Variants in GLIS3 observed in about 807,000 individuals in gnomAD.
GLIS3 encodes zinc finger protein GLIS3.
A neutral mutation model predicts 78.6 loss-of-function variants in GLIS3; 53 were observed. The ratio of observed to expected loss-of-function variants is 0.67; its 90% CI spans 0.54 to 0.85. The LOEUF is 0.85. GLIS3 is among the 40% of genes least tolerant of loss of function. The pLI, the probability that GLIS3 is intolerant of heterozygous loss-of-function variation, is 0.00. For synonymous variants in GLIS3, 684 were observed against 509.9 expected (o/e 1.34, Z -4.60); for missense variants, 1,703 against 1,231.1 (o/e 1.38, Z -5.74).
chr9:4,476,493 C>G, the GLIS3 span, among the ~76,000 whole-genome samples: 27,527 of 151,960 alleles, frequency 0.18, 2,594 homozygotes, highest in Admixed American at 0.22. Context: ...TCCCAAGTAG[C>G]CGGGATTACA....
chr9:4,298,146 G>A (rs1286639231), intron 1 of GLIS3, among the ~76,000 whole-genome samples: 1 of 152,096 alleles, frequency 6.6e-6, no homozygotes, highest in African/African-American at 2.4e-5. Context: ...GGGTGCTGCG[G>A]CTGGGAAGCC....
upstream of GLIS3, among the ~76,000 whole-genome samples, chr9:4,352,005 A>T (rs1207236568): frequency 6.6e-6 from 1 of 152,236 alleles, no homozygotes; most frequent in African/African-American, 2.4e-5. Flanking sequence ...TAAAAAGTAA[A>T]TAAGCAAGAT....
chr9:4,246,508 T>C (rs1194084218), intron 2 of GLIS3, among the ~76,000 whole-genome samples: 1 of 152,240 alleles, frequency 6.6e-6, no homozygotes, highest in African/African-American at 2.4e-5. Context: ...AAGTGACATC[T>C]GCAGTTGTTT....
chr9:4,332,332 C>T (rs1044600984), intron 2 of GLIS3, among the ~76,000 whole-genome samples: 1 of 152,180 alleles, frequency 6.6e-6, no homozygotes, highest in Admixed American at 6.5e-5. Context: ...CCTCATTACC[C>T]ACTATCACCT....
At chr9:3,899,420 T>TA (rs796091339) in intron 6 of GLIS3, among the ~76,000 whole-genome samples, 3 of 87,098 alleles carry the variant, frequency 3.4e-5, no homozygotes, top group African/African-American at 1.2e-4. Flanking sequence ...ATTAAAGAGT[T>TA]ACATGTAAAA....
intron 6 of GLIS3, among the ~76,000 whole-genome samples, chr9:3,926,417 G>A (rs186372616): frequency 5.3e-4 from 80 of 151,622 alleles, no homozygotes; most frequent in Admixed American, 3.7e-3. Context: ...TTTTAGTAGA[G>A]ACGGGGGTTT....
intron 2 of GLIS3, among the ~76,000 whole-genome samples, chr9:4,251,195 T>G (rs1184470038): frequency 6.6e-6 from 1 of 152,194 alleles, no homozygotes; most frequent in Non-Finnish European, 1.5e-5. Context: ...TGTCTAATAT[T>G]GGCAGTGTGC....
rs140368876 is a variant in GLIS3, at chr9:3,988,894, A to G, written c.1711-51705T>C. On this transcript the variant is annotated intron_variant, in intron 4 of 10. Coordinates refer to ENST00000381971, the MANE Select transcript of GLIS3 (RefSeq NM_001042413.2). Reference sequence around the variant, plus strand: ...AGACTTGATACCAAAACCATGATCCATAAAATGTATAAATTTGTTCTCATC... The same window carrying G: ...AGACTTGATACCAAAACCATGATCCGTAAAATGTATAAATTTGTTCTCATC... 1.2e-3 allele frequency among the ~76,000 whole-genome samples: 178 copies of G among 152,244 alleles called. 2 individuals are homozygous for G. The highest frequency in any genetic ancestry group is 4.1e-3 in the African/African-American group (170 of 41,568).
the GLIS3 span, among the ~76,000 whole-genome samples, chr9:4,418,667 C>G: frequency 6.6e-6 from 1 of 152,022 alleles, no homozygotes; most frequent in African/African-American, 2.4e-5. Flanking sequence ...CCACTGCACT[C>G]CAGCCTGGAT....
At chr9:4,389,936 T>C in the GLIS3 span, among the ~76,000 whole-genome samples, 1 of 152,208 alleles carries the variant, frequency 6.6e-6, no homozygotes, top group Admixed American at 6.5e-5. Context: ...ATAAGTAAAA[T>C]GAGTGACACA....
At chr9:4,286,604 T>C (rs919981412) in intron 1 of GLIS3, 81 bp from the exon 2 acceptor site, 2 of 717,384 alleles carry the variant, frequency 2.8e-6, no homozygotes, top group Middle Eastern at 3.8e-4. Flanking sequence ...CTGTGTATCA[T>C]TCATAAGGAA....
At chr9:4,172,208 T>C (rs1007305911) in intron 2 of GLIS3, among the ~76,000 whole-genome samples, 5 of 152,228 alleles carry the variant, frequency 3.3e-5, no homozygotes, top group African/African-American at 1.2e-4. Context: ...GAAAGTCTTG[T>C]ATTTGCATCT....
intron 4 of GLIS3, among the ~76,000 whole-genome samples, chr9:3,991,317 TTA>T (rs1449384861): frequency 6.6e-6 from 1 of 152,054 alleles, no homozygotes; most frequent in Non-Finnish European, 1.5e-5. Context: ...CAAAGCCTCT[TTA>T]ATGAAGATAC....
At chr9:3,878,066 C>T (rs1407132715) in intron 8 of GLIS3, among the ~76,000 whole-genome samples, 3 of 152,158 alleles carry the variant, frequency 2.0e-5, no homozygotes, top group South Asian at 2.1e-4. Context: ...CCGTCCCTGA[C>T]GGTGTCCTTT....
At chr9:4,216,273 C>T (rs1014485274) in intron 2 of GLIS3, among the ~76,000 whole-genome samples, 3 of 151,816 alleles carry the variant, frequency 2.0e-5, no homozygotes, top group Non-Finnish European at 4.4e-5. Context: ...GAAATCGAGA[C>T]CATCCTGGCT....
At chr9:4,342,589 G>T (rs1336248868) in intron 2 of GLIS3, among the ~76,000 whole-genome samples, 3 of 152,026 alleles carry the variant, frequency 2.0e-5, no homozygotes, top group Non-Finnish European at 2.9e-5. Flanking sequence ...CTGTTTTTTT[G>T]GTTCCATATG....
At chr9:4,172,240 C>G (rs756883980) in intron 2 of GLIS3, among the ~76,000 whole-genome samples, 1 of 152,120 alleles carries the variant, frequency 6.6e-6, no homozygotes, top group Non-Finnish European at 1.5e-5. Context: ...TATCAGTGAG[C>G]TTTCTTTTCC....
chr9:3,908,286 A>G (rs930547081), intron 6 of GLIS3, among the ~76,000 whole-genome samples: 1 of 152,230 alleles, frequency 6.6e-6, no homozygotes, highest in Non-Finnish European at 1.5e-5. Context: ...CCAGTTGTCA[A>G]AAAGACTTTT....
intron 2 of GLIS3, among the ~76,000 whole-genome samples, chr9:4,163,038 G>A (rs1017400812): frequency 4.6e-5 from 7 of 152,192 alleles, no homozygotes; most frequent in Non-Finnish European, 8.8e-5. Flanking sequence ...GAGAGGGGAA[G>A]TAGCAACAAT....
Sources: allele counts gnomAD v4.1 joint callset (sites outside exome capture counted in the v4.1 genomes callset), GRCh38; gene constraint gnomAD v4.1.1; transcripts MANE v1.5; gene names NCBI Gene and HGNC (gene_info 2026-07-23, HGNC 2026-07-21).